The following WSCD1 variants were observed in gnomAD, a reference collection of about 807,000 sequenced individuals.
WSCD1 encodes the protein WSC domain sialate O sulfotransferase 1.
In WSCD1, 41 loss-of-function variants were observed where a neutral mutation model predicts 60.4. The observed-to-expected ratio is 0.68, with a 90% CI of 0.53 to 0.88. The LOEUF (loss-of-function observed/expected upper bound fraction) is 0.88. WSCD1 is among the 40% of genes least tolerant of loss of function. WSCD1 has a pLI of 0.00. For missense variants in WSCD1, 784 were observed against 796.2 expected (o/e 0.98, Z 0.18); for synonymous variants, 361 against 332.5 (o/e 1.09, Z -0.93).
chr17:6,113,857 T>C (rs1911543016), intron 7 of WSCD1, among the ~76,000 whole-genome samples: 1 of 152,046 alleles, frequency 6.6e-6, no homozygotes, highest in Non-Finnish European at 1.5e-5. Flanking sequence ...TTGGAGAGGA[T>C]GTGGAGAAAA....
upstream of WSCD1, chr17:6,069,210 G>A (rs541382771): frequency 9.3e-5 from 37 of 398,730 alleles, no homozygotes; most frequent in East Asian, 5.7e-4. Context: ...AGCTCCGGGT[G>A]AGGACAGGGT....
At chr17:6,115,212 T>C (rs1283183600) in intron 7 of WSCD1, among the ~76,000 whole-genome samples, 2 of 152,182 alleles carry the variant, frequency 1.3e-5, no homozygotes, top group Non-Finnish European at 2.9e-5. Flanking sequence ...AGATCGTGCC[T>C]ATTCTGGATT....
At position 6,116,908 on chromosome 17, in the gene WSCD1, A is replaced by G. The variant is rs571341683; in HGVS notation, c.1175-1080A>G. On this transcript the variant is annotated intron_variant, in intron 7 of 8. Coordinates refer to ENST00000317744, the MANE Select transcript of WSCD1 (RefSeq NM_015253.2). ...TCTCAGGGCTGGGAGCATGGGCTAC[A>G]TTGGGTGTGGCCAGGAGACTAGTTT... Among the ~76,000 whole-genome samples the G allele has an allele frequency of 5.9e-5, 9 of 152,306 alleles. No individual in the cohort carries two copies. In the South Asian group the frequency reaches 1.9e-3, roughly 32 times the overall value.
At chr17:6,095,256 C>T in intron 5 of WSCD1, 33 bp downstream of exon 5, 2 of 1,601,652 alleles carry the variant, frequency 1.2e-6, no homozygotes, top group Non-Finnish European at 1.7e-6. Flanking sequence ...CAACCCTTTC[C>T]TTTAAGTGTG....
upstream of WSCD1, among the ~76,000 whole-genome samples, chr17:6,070,269 C>T (rs1269094029): frequency 1.3e-5 from 2 of 149,536 alleles, no homozygotes; most frequent in African/African-American, 2.4e-5. Context: ...GGCGTGGGCC[C>T]CCTCCGGCGG....
At chr17:6,105,258 T>C (rs1911022013) in intron 5 of WSCD1, among the ~76,000 whole-genome samples, 1 of 152,218 alleles carries the variant, frequency 6.6e-6, no homozygotes, top group African/African-American at 2.4e-5. Flanking sequence ...AGGATGAGGA[T>C]GCATATCTTT....
rs774339079 is a variant in WSCD1 at position 6,120,456 on chromosome 17, T to C, written c.1523T>C (p.Leu508Pro). The change falls in exon 9 of 9, where the codon CTC becomes CCC. Residue 508 changes from leucine (L) to proline (P), a missense_variant. Physicochemically the swap from Leu to Pro is moderately conservative, Grantham distance 98. Coordinates refer to ENST00000317744, the MANE Select transcript of WSCD1 (RefSeq NM_015253.2). ...ACGTTACGGGAGATGGTGGCCTTCC[T>C]CAACGTGTCTGTGAGCGAGGAGCGG... is the stretch of plus-strand genomic sequence containing the variant. ...VPTLREMVAF[L>P]NVSVSEERLL... 5.6e-6 allele frequency: 9 copies of C among 1,614,006 alleles called. No homozygotes were observed. Among genetic ancestry groups the C allele is most frequent in the Admixed American group, 1.7e-5 (1 of 60,018 alleles).
At chr17:6,096,603 G>A (rs1254829286) in intron 5 of WSCD1, among the ~76,000 whole-genome samples, 2 of 152,200 alleles carry the variant, frequency 1.3e-5, no homozygotes, top group African/African-American at 2.4e-5. Flanking sequence ...GGGCACCCAC[G>A]ACACAATTAA....
chr17:6,098,700 C>T (rs1196700853), intron 5 of WSCD1, among the ~76,000 whole-genome samples: 2 of 152,210 alleles, frequency 1.3e-5, no homozygotes, highest in African/African-American at 2.4e-5. Flanking sequence ...TTGTTTAGGG[C>T]TGCAACATTT....
Position 6,086,251 on chromosome 17 carries a change from A to T in WSCD1, c.428-1739A>T, listed in dbSNP as rs200335193. 0.017 allele frequency among the ~76,000 whole-genome samples: 1,063 copies of T among 63,700 alleles called. 76 individuals carry two copies. The East Asian group carries it at 0.32, about 19-fold the overall frequency. The allele number at this position is 63,700 out of a possible 152,430, so 41.8% of individuals were successfully genotyped here. A position where few individuals can be genotyped will look rare whatever the true frequency, so the allele number is the denominator to read the frequency against. On this transcript the variant is annotated intron_variant, in intron 2 of 8. Coordinates refer to ENST00000317744, the MANE Select transcript of WSCD1 (RefSeq NM_015253.2). ...CAGTCAGTAAGACCGTCCTGACTTC[A>T]TATATATATATATATATATATATAC...
At chr17:6,114,172 A>AG (rs56302471) in intron 7 of WSCD1, among the ~76,000 whole-genome samples, 3 of 151,340 alleles carry the variant, frequency 2.0e-5, no homozygotes. Flanking sequence ...AAAAAAAAAA[A>AG]GAATTAAATG....
intron 2 of WSCD1, 86 bp downstream of exon 2, chr17:6,081,171 G>T: frequency 7.1e-7 from 1 of 1,410,538 alleles, no homozygotes; most frequent in South Asian, 1.4e-5. Context: ...CTCTCTGCAG[G>T]CCTGTGGCCT....
At chr17:6,095,370 C>A in intron 5 of WSCD1, 147 bp downstream of exon 5, 2 of 1,155,646 alleles carry the variant, frequency 1.7e-6, no homozygotes, top group Non-Finnish European at 1.2e-6. Context: ...GAGGCAGGCA[C>A]CAGGTACCAC....
chr17:6,092,011 G>A (rs1485181904), intron 4 of WSCD1, among the ~76,000 whole-genome samples: 4 of 152,050 alleles, frequency 2.6e-5, no homozygotes, highest in African/African-American at 9.7e-5. Context: ...AAAATTTGCC[G>A]GATGTGGTGG....
chr17:6,088,192 T>G, intron 3 of WSCD1, 88 bp downstream of exon 3: 1 of 1,148,696 alleles, frequency 8.7e-7, no homozygotes. Flanking sequence ...AGCTACCAGT[T>G]GGCTGTCATA....
intron 3 of WSCD1, 25 bp from the exon 4 acceptor site, chr17:6,090,296 A>T: frequency 6.4e-7 from 1 of 1,552,242 alleles, no homozygotes; most frequent in African/African-American, 1.4e-5. Flanking sequence ...CAAGGTCCGG[A>T]CTCACCCAGG....
chr17:6,122,486 G>A lies in WSCD1; in HGVS notation c.*1825G>A, dbSNP rs1201504981. On this transcript the variant is annotated 3_prime_UTR_variant, in exon 9 of 9. Coordinates refer to ENST00000317744, the MANE Select transcript of WSCD1 (RefSeq NM_015253.2). ...TAGCTTCGGCATCCAATCTGCGAAG[G>A]CCCCTGATGGAGCTATTTCTTCCTA... is the stretch of plus-strand genomic sequence containing the variant. The A allele has an allele frequency of 6.6e-6, 1 of 152,266 alleles. No homozygotes were observed. The highest frequency in any genetic ancestry group is 2.4e-5 in the African/African-American group (1 of 41,460). 9.4% of individuals were successfully genotyped at this position (152,266 alleles called of 1,614,324 possible).
At chr17:6,119,372 C>CA (rs1904499839) in intron 8 of WSCD1, among the ~76,000 whole-genome samples, 1 of 152,234 alleles carries the variant, frequency 6.6e-6, no homozygotes, top group Non-Finnish European at 1.5e-5. Context: ...AGGGTCTCTG[C>CA]CCTCGAGGCA....
At position 6,070,443 on chromosome 17, in the gene WSCD1, C is replaced by T. The variant is rs992363212; in HGVS notation, c.-498C>T. ...CGGCTCCGCGCCCGCCCGCCCGCCCCGCCGTTCAGCCCGGACGCCAGCAGC... is the reference window on the plus strand; with the variant it reads ...CGGCTCCGCGCCCGCCCGCCCGCCCTGCCGTTCAGCCCGGACGCCAGCAGC... On this transcript the variant is annotated 5_prime_UTR_variant, in exon 1 of 9. Coordinates refer to ENST00000317744, the MANE Select transcript of WSCD1 (RefSeq NM_015253.2). The T allele has an allele frequency of 6.8e-6, 1 of 147,198 alleles. No homozygotes were observed. Among genetic ancestry groups the T allele is most frequent in the South Asian group, 1.8e-4 (1 of 5,608 alleles). The allele number at this position is 147,198 out of a possible 1,614,324, so 9.1% of individuals were successfully genotyped here.
Sources: gnomAD v4.1 joint callset for allele counts (sites outside exome capture counted in the v4.1 genomes callset) on GRCh38, gnomAD v4.1.1 for gene constraint, MANE v1.5 for transcripts, NCBI Gene and HGNC (gene_info 2026-07-23, HGNC 2026-07-21) for gene names.